Variants in LRCH1 observed in about 807,000 individuals in gnomAD.
The protein encoded by LRCH1 is leucine-rich repeat and calponin homology domain-containing protein 1.
In LRCH1, 23 loss-of-function variants were observed where a neutral mutation model predicts 94.9. The observed-to-expected ratio is 0.24, with a 90% confidence interval of 0.17 to 0.34. The LOEUF (loss-of-function observed/expected upper bound fraction) is 0.34, where lower values mean the gene tolerates loss of function less well. LRCH1 is among the 10% of genes least tolerant of loss of function. LRCH1 has a pLI of 1.00. For synonymous variants in LRCH1, 364 were observed against 354.9 expected (o/e 1.03, Z -0.29); for missense variants, 790 against 945.9 (o/e 0.84, Z 2.16).
At chr13:46,640,688 T>C (rs1344270725) in intron 1 of LRCH1, among the ~76,000 whole-genome samples, 4 of 152,224 alleles carry the variant, frequency 2.6e-5, no homozygotes, top group African/African-American at 9.6e-5. Flanking sequence ...GGAGCTTACG[T>C]TCTAGGAAGG....
chr13:46,615,895 CAGAT>C (rs769695508), intron 1 of LRCH1, among the ~76,000 whole-genome samples: 3 of 152,200 alleles, frequency 2.0e-5, no homozygotes, highest in Admixed American at 6.5e-5. Context: ...GAGAAGCCAC[CAGAT>C]GTCGTGTAGG....
At chr13:46,577,187 C>T (rs779325774) in intron 1 of LRCH1, among the ~76,000 whole-genome samples, 3 of 152,186 alleles carry the variant, frequency 2.0e-5, no homozygotes, top group Non-Finnish European at 4.4e-5. Flanking sequence ...ACCTCCACCT[C>T]CAGAGTTCAA....
chr13:46,727,918 T>TTTCTTTCC (rs1261732885), intron 17 of LRCH1, among the ~76,000 whole-genome samples: 1 of 102,438 alleles, frequency 9.8e-6, no homozygotes, highest in Non-Finnish European at 2.6e-5. Context: ...TCTTTCTTTC[T>TTTCTTTCC]TTCTTTTTTT....
intron 7 of LRCH1, among the ~76,000 whole-genome samples, chr13:46,691,512 A>G (rs954896224): frequency 5.9e-5 from 9 of 152,216 alleles, no homozygotes; most frequent in Non-Finnish European, 1.2e-4. Flanking sequence ...GATAATTTAT[A>G]AAGAAAAGAG....
intron 1 of LRCH1, among the ~76,000 whole-genome samples, chr13:46,592,847 C>T (rs985630301): frequency 1.3e-5 from 2 of 152,058 alleles, no homozygotes; most frequent in African/African-American, 4.8e-5. Flanking sequence ...TGATAGATCC[C>T]TTCATTCTCG....
intron 6 of LRCH1, 55 bp from the exon 7 acceptor site, chr13:46,689,078 C>A: frequency 7.4e-7 from 1 of 1,357,886 alleles, no homozygotes; most frequent in Non-Finnish European, 1.0e-6. Context: ...TTGGTGTGAA[C>A]TTTGTGATTT....
At position 46,728,872 on chromosome 13, in the gene LRCH1, G is replaced by A; in HGVS notation, c.1895G>A (p.Ser632Asn). 6.2e-7 allele frequency: 1 copy of A among 1,611,928 alleles called. No homozygotes were observed. Among genetic ancestry groups the A allele is most frequent in the Admixed American group, 1.7e-5 (1 of 59,832 alleles). Residue 632 changes from serine to asparagine, a missense_variant, in exon 18 of 20, where the codon AGT becomes AAT. By Grantham distance (46) the Ser-to-Asn change is conservative. This residue lies in a region of LRCH1 where 460 missense variants were observed against 508.9 expected (regional missense o/e 0.90). Coordinates refer to ENST00000389797, the MANE Select transcript of LRCH1 (RefSeq NM_001164211.2). The part of the protein sequence containing the change: ...RESIEMRLKV[S>N]LHEDLGAALM... Reference sequence around the variant, plus strand: ...AGCATTGAGATGAGATTGAAGGTCAGTCTACACGAAGACCTGGGGGCAGCC... The same window carrying A: ...AGCATTGAGATGAGATTGAAGGTCAATCTACACGAAGACCTGGGGGCAGCC...
chr13:46,736,524 T>C (rs141359527), intron 19 of LRCH1, among the ~76,000 whole-genome samples: 1,939 of 152,286 alleles, frequency 0.013, 31 homozygotes, highest in African/African-American at 0.043. Flanking sequence ...TGATTTACAC[T>C]GAAAAGGTAA....
intron 1 of LRCH1, among the ~76,000 whole-genome samples, chr13:46,644,375 T>TA (rs996897127): frequency 9.2e-5 from 14 of 152,244 alleles, no homozygotes; most frequent in Admixed American, 9.2e-4. Flanking sequence ...TGCCTCATCT[T>TA]ACTTTTCAAA....
At chr13:46,676,635 A>ATC (rs1182940936) in intron 3 of LRCH1, among the ~76,000 whole-genome samples, 1 of 152,158 alleles carries the variant, frequency 6.6e-6, no homozygotes, top group East Asian at 1.9e-4. Context: ...ACAAAAATAC[A>ATC]TCTCAAGCAG....
chr13:46,741,603 C>T (rs1324640589), intron 19 of LRCH1, 39 bp from the exon 20 acceptor site: 8 of 1,612,664 alleles, frequency 5.0e-6, no homozygotes, highest in Non-Finnish European at 6.8e-6. Context: ...TAATTGTATG[C>T]ACTGTCTCTT....
At chr13:46,627,992 T>C (rs1445783907) in intron 1 of LRCH1, among the ~76,000 whole-genome samples, 1 of 152,024 alleles carries the variant, frequency 6.6e-6, no homozygotes, top group Non-Finnish European at 1.5e-5. Context: ...AAATATTGGT[T>C]TGGGGCAGTC....
Position 46,553,300 on chromosome 13 carries a change from C to T in LRCH1, c.-97C>T. Reference sequence around the variant, plus strand: ...CCTTCCAGCGCCTTTCGGTGGAGCACTGCGGCACTCAGCCCGAGCTGCCGT... The same window carrying T: ...CCTTCCAGCGCCTTTCGGTGGAGCATTGCGGCACTCAGCCCGAGCTGCCGT... On this transcript the variant is annotated 5_prime_UTR_variant, in exon 1 of 20. Transcript: ENST00000389797. 9.8e-7 allele frequency: 1 copy of T among 1,018,776 alleles called. No individual in the cohort carries two copies. The highest frequency in any genetic ancestry group is 2.6e-5 in the East Asian group (1 of 38,250). 63.1% of individuals were successfully genotyped at this position (1,018,776 alleles called of 1,614,324 possible). A position where few individuals can be genotyped will look rare whatever the true frequency, so the allele number is the denominator to read the frequency against.
Position 46,691,929 on chromosome 13 carries a change from C to T in LRCH1, c.1015-607C>T, listed in dbSNP as rs577051737. ...GGTCTCGATCTCTTGATCTTGTGAT[C>T]CACCTGCCTCAGCCTCCCAAAGTGC... On this transcript the variant is annotated intron_variant, in intron 7 of 19. Transcript: ENST00000389797. 5.7e-4 allele frequency among the ~76,000 whole-genome samples: 86 copies of T among 152,072 alleles called. 1 individual carries two copies. The highest frequency in any genetic ancestry group is 1.9e-3 in the African/African-American group (80 of 41,488).
Position 46,750,553 on chromosome 13 carries a change from T to TC in LRCH1, c.1999dup (p.His667ProfsTer5). On this transcript the variant is annotated frameshift_variant, in exon 19 of 19. Coordinates refer to the LRCH1 transcript ENST00000311191. LOFTEE classifies it high-confidence loss of function. ...TTTTCCTTTTAGGAAAAGCTATGTC[T>TC]CCCCCACCACATCCTTGAAGAAAAA... 1 of 1,550,488 alleles carries TC rather than the reference T, an allele frequency of 6.4e-7. No individual in the cohort carries two copies. The highest frequency in any genetic ancestry group is 8.7e-7 in the Non-Finnish European group (1 of 1,145,658).
intron 1 of LRCH1, among the ~76,000 whole-genome samples, chr13:46,624,183 C>G (rs1442449859): frequency 6.6e-6 from 1 of 152,094 alleles, no homozygotes; most frequent in Non-Finnish European, 1.5e-5. Flanking sequence ...TACACCCAGG[C>G]CCTGTTTTTA....
At chr13:46,589,593 C>T (rs1156964376) in intron 1 of LRCH1, among the ~76,000 whole-genome samples, 6 of 77,708 alleles carry the variant, frequency 7.7e-5, no homozygotes, top group Admixed American at 5.1e-4. Context: ...AGTTCTCTCA[C>T]TTTTTTTTTT....
chr13:46,618,158 T>C (rs2050834267), intron 1 of LRCH1, among the ~76,000 whole-genome samples: 1 of 152,178 alleles, frequency 6.6e-6, no homozygotes, highest in South Asian at 2.1e-4. Flanking sequence ...GTATATGGTG[T>C]AACCTATTGC....
chr13:46,575,198 G>A (rs2050289981), intron 1 of LRCH1, among the ~76,000 whole-genome samples: 1 of 151,952 alleles, frequency 6.6e-6, no homozygotes, highest in African/African-American at 2.4e-5. Context: ...TGCTGGATAG[G>A]GTGCAGTGCT....
Sources: allele counts gnomAD v4.1 joint callset (sites outside exome capture counted in the v4.1 genomes callset), GRCh38; gene constraint gnomAD v4.1.1; regional missense constraint gnomAD v4.1.1; transcripts MANE v1.5; gene names NCBI Gene and HGNC (gene_info 2026-07-23, HGNC 2026-07-21).